KIAA0825: variants seen among roughly 807,000 people sequenced by gnomAD.
KIAA0825 encodes the protein uncharacterized protein KIAA0825.
In KIAA0825, 119 loss-of-function variants were observed where a neutral mutation model predicts 147.6. The observed-to-expected ratio is 0.81, with a 90% confidence interval of 0.69 to 0.94. The LOEUF is 0.94. KIAA0825 is among the 40% of genes least tolerant of loss of function. The pLI is 0.00. For synonymous variants in KIAA0825, 470 were observed against 518.1 expected (o/e 0.91, Z 1.26); for missense variants, 1,381 against 1,472.7 (o/e 0.94, Z 1.02).
chr5:94,297,679 T>TGG (rs1393031714), intron 20 of KIAA0825, among the ~76,000 whole-genome samples: 14 of 151,932 alleles, frequency 9.2e-5, no homozygotes, highest in Non-Finnish European at 4.4e-5. Context: ...CACTTCAACC[T>TGG]CCACCTCCTG....
intron 2 of KIAA0825, among the ~76,000 whole-genome samples, chr5:94,538,113 C>A (rs921646802): frequency 2.6e-5 from 4 of 152,156 alleles, no homozygotes; most frequent in African/African-American, 7.2e-5. Flanking sequence ...AAATTCCCTG[C>A]CCTCATGGAG....
intron 12 of KIAA0825, among the ~76,000 whole-genome samples, chr5:94,455,878 C>A (rs1007874011): frequency 1.3e-5 from 2 of 151,964 alleles, no homozygotes; most frequent in Non-Finnish European, 2.9e-5. Flanking sequence ...CAAGGTTGGA[C>A]AAAGAGTGGA....
chr5:94,582,579 T>C lies in KIAA0825; in HGVS notation c.-148A>G, dbSNP rs111365008. On this transcript the variant is annotated 5_prime_UTR_variant, in exon 2 of 21. Transcript: ENST00000682413. ...TTTTTTTTTCCCAAAGTATGTAAAATGTACCTGAAAAATGATTGCATAAAG... is the reference window on the plus strand; with the variant it reads ...TTTTTTTTTCCCAAAGTATGTAAAACGTACCTGAAAAATGATTGCATAAAG... 30 of 152,160 alleles carry C rather than the reference T, an allele frequency of 2.0e-4. No individual in the cohort carries two copies. The highest frequency in any genetic ancestry group is 6.3e-4 in the African/African-American group (26 of 41,522). 9.4% of individuals were successfully genotyped at this position (152,160 alleles called of 1,614,324 possible).
chr5:94,153,960 T>G lies in KIAA0825; in HGVS notation c.*47A>C, dbSNP rs945450232. On this transcript the variant is annotated 3_prime_UTR_variant, in exon 21 of 21. Transcript: ENST00000682413. ...ACTATGGTAAAAAATCCTACTCCATTACATGGGATTGTTTCCTAAAATAAA... is the reference window on the plus strand; with the variant it reads ...ACTATGGTAAAAAATCCTACTCCATGACATGGGATTGTTTCCTAAAATAAA... 2.3e-6 allele frequency: 3 copies of G among 1,316,328 alleles called. No homozygotes were observed. The highest frequency in any genetic ancestry group is 3.2e-6 in the Non-Finnish European group (3 of 933,210). 81.5% of individuals were successfully genotyped at this position (1,316,328 alleles called of 1,614,324 possible).
At chr5:94,288,803 G>A (rs1395563827) in intron 20 of KIAA0825, among the ~76,000 whole-genome samples, 3 of 152,258 alleles carry the variant, frequency 2.0e-5, no homozygotes, top group Non-Finnish European at 2.9e-5. Context: ...TTTTGTGCTC[G>A]TCAAGAGTTG....
chr5:94,412,050 A>C (rs1026123883), intron 15 of KIAA0825, among the ~76,000 whole-genome samples: 6 of 152,196 alleles, frequency 3.9e-5, no homozygotes, highest in African/African-American at 1.4e-4. Flanking sequence ...ACAGGGAGGA[A>C]ATTTTATCAA....
intron 13 of KIAA0825, among the ~76,000 whole-genome samples, chr5:94,452,181 C>T (rs1747576366): frequency 6.6e-6 from 1 of 152,114 alleles, no homozygotes; most frequent in Admixed American, 6.6e-5. Context: ...TGGAAATAGG[C>T]ACACATTAGG....
At chr5:94,397,259 C>T (rs1256748599) in intron 16 of KIAA0825, among the ~76,000 whole-genome samples, 8 of 152,166 alleles carry the variant, frequency 5.3e-5, no homozygotes, top group Admixed American at 3.3e-4. Flanking sequence ...TTCTTGCTTA[C>T]CTCCATCTCT....
rs1766672213 is a variant in KIAA0825 at position 94,152,866 on chromosome 5, AT to A, written c.*1140del. 1.8e-4 allele frequency: 2 copies of A among 11,260 alleles called. No individual in the cohort carries two copies. Among genetic ancestry groups the A allele is most frequent in the African/African-American group, 7.0e-4 (2 of 2,850 alleles). 0.7% of individuals were successfully genotyped at this position (11,260 alleles called of 1,614,324 possible). A position where few individuals can be genotyped will look rare whatever the true frequency, so the allele number is the denominator to read the frequency against. The stretch of plus-strand genomic sequence containing the variant: ...AAAAAAAAAAAAAAATTATATATAT[AT>A]ATATATATATATATATATATATATA... On this transcript the variant is annotated 3_prime_UTR_variant, in exon 21 of 21. Coordinates refer to ENST00000682413, the MANE Select transcript of KIAA0825 (RefSeq NM_001145678.3).
intron 20 of KIAA0825, among the ~76,000 whole-genome samples, chr5:94,243,675 G>A (rs7444635): frequency 0.86 from 130,110 of 152,090 alleles, 55,748 homozygotes; most frequent in South Asian, 0.88. Context: ...AGAGTGTTTC[G>A]AAGAGGTTAC....
chr5:94,390,664 T>A (rs1428786227), intron 18 of KIAA0825, among the ~76,000 whole-genome samples: 2 of 152,216 alleles, frequency 1.3e-5, no homozygotes, highest in Non-Finnish European at 2.9e-5. Context: ...TTACTTGAAG[T>A]AACTTTCACA....
chr5:94,294,391 T>C (rs1312383442), intron 20 of KIAA0825, among the ~76,000 whole-genome samples: 1 of 152,234 alleles, frequency 6.6e-6, no homozygotes. Context: ...CTTATGAAGC[T>C]TAGTTTAGCT....
chr5:94,493,164 A>T (rs879822923), intron 5 of KIAA0825, among the ~76,000 whole-genome samples: 4 of 152,170 alleles, frequency 2.6e-5, no homozygotes, highest in Non-Finnish European at 5.9e-5. Context: ...CCTCTCATTC[A>T]AGAGACCTGT....
chr5:94,488,816 A>C (rs1763367176), intron 5 of KIAA0825, among the ~76,000 whole-genome samples: 1 of 152,210 alleles, frequency 6.6e-6, no homozygotes, highest in African/African-American at 2.4e-5. Context: ...ATTCTTCTTA[A>C]AGTAATTCAC....
chr5:94,425,655 T>C (rs961997085), intron 14 of KIAA0825, among the ~76,000 whole-genome samples: 2 of 152,250 alleles, frequency 1.3e-5, no homozygotes, highest in African/African-American at 4.8e-5. Flanking sequence ...AAAACCCATA[T>C]GGTCGTTCTA....
intron 20 of KIAA0825, among the ~76,000 whole-genome samples, chr5:94,329,555 G>C (rs1365806095): frequency 3.9e-5 from 6 of 152,150 alleles, no homozygotes; most frequent in South Asian, 2.1e-4. Flanking sequence ...GTTCTGGTTT[G>C]GGAGAAAATG....
intron 12 of KIAA0825, among the ~76,000 whole-genome samples, chr5:94,454,382 T>C (rs569421581): frequency 2.4e-4 from 36 of 152,214 alleles, no homozygotes; most frequent in Non-Finnish European, 4.0e-4. Flanking sequence ...TCATGCTTTT[T>C]CAAATCTGAC....
rs200536999 is a variant in KIAA0825, at chr5:94,531,677, T to C, written c.131+5319A>G. Among the ~76,000 whole-genome samples, 7 of 152,274 alleles carry C rather than the reference T, an allele frequency of 4.6e-5. No homozygotes were observed. The East Asian group carries it at 1.4e-3, about 29-fold the overall frequency. ...AATTAGCCCATTTCAGGTTTCTTCC[T>C]ATGTGGCCTGGTTTGCTCAGTAGGA... On this transcript the variant is annotated intron_variant, in intron 3 of 20. Coordinates refer to ENST00000682413, the MANE Select transcript of KIAA0825 (RefSeq NM_001145678.3).
chr5:94,608,505 A>G (rs1198385484), intron 1 of KIAA0825, among the ~76,000 whole-genome samples: 1 of 24,348 alleles, frequency 4.1e-5, no homozygotes, highest in African/African-American at 1.3e-4. Flanking sequence ...ATATATATAT[A>G]TATTTTTTTT....
Sources: gnomAD v4.1 joint callset for allele counts (sites outside exome capture counted in the v4.1 genomes callset) on GRCh38, gnomAD v4.1.1 for gene constraint, MANE v1.5 for transcripts, NCBI Gene and HGNC (gene_info 2026-07-23, HGNC 2026-07-21) for gene names.